Variants in SLC25A26 observed in about 807,000 individuals in gnomAD.
The protein encoded by SLC25A26 is solute carrier family 25 member 26.
In SLC25A26, 36 loss-of-function variants were observed where a neutral mutation model predicts 37.8. The ratio of observed to expected loss-of-function variants is 0.95; its 90% confidence interval spans 0.73 to 1.26. The LOEUF is 1.26. Among genes scored for constraint, SLC25A26 ranks in the 50% most tolerant of loss-of-function variants. SLC25A26 has a pLI of 0.00. For missense variants in SLC25A26, 390 were observed against 331.1 expected, an observed-to-expected ratio of 1.18 and a Z score of -1.38; for synonymous variants, 129 against 122.5, an observed-to-expected ratio of 1.05 and a Z score of -0.35.
chr3:66,186,199 C>T (rs940424469), intron 1 of SLC25A26, among the ~76,000 whole-genome samples: 1,633 of 152,128 alleles, frequency 0.011, 29 homozygotes, highest in African/African-American at 0.037. Context: ...TGTCCCTTAT[C>T]CTAAACATGA....
intron 5 of SLC25A26, among the ~76,000 whole-genome samples, chr3:66,284,052 A>ATT (rs2074429637): frequency 6.6e-6 from 1 of 152,220 alleles, no homozygotes; most frequent in Non-Finnish European, 1.5e-5. Context: ...ACACACTTAA[A>ATT]TATTTCGGGA....
chr3:66,206,412 G>C (rs1363702490), intron 1 of SLC25A26, among the ~76,000 whole-genome samples: 2 of 152,232 alleles, frequency 1.3e-5, no homozygotes, highest in East Asian at 3.9e-4. Context: ...CCCAAAGACT[G>C]CCAAGTACAT....
chr3:66,138,292 G>A (rs2069978459), intron 1 of SLC25A26, among the ~76,000 whole-genome samples: 1 of 152,010 alleles, frequency 6.6e-6, no homozygotes, highest in Admixed American at 6.6e-5. Flanking sequence ...ATGGAAATAT[G>A]CAATGAAGGA....
intron 1 of SLC25A26, among the ~76,000 whole-genome samples, chr3:66,194,750 C>T (rs2071013435): frequency 6.6e-6 from 1 of 152,174 alleles, no homozygotes. Flanking sequence ...TACAGGCATG[C>T]GCCACCACGC....
chr3:66,352,428 G>GTTTTTTTTTTTTT (rs1242977476), intron 6 of SLC25A26, among the ~76,000 whole-genome samples: 2 of 126,686 alleles, frequency 1.6e-5, no homozygotes, highest in African/African-American at 6.9e-5. Context: ...CTCGTTTTTT[G>GTTTTTTTTTTTTT]TTTTTTGTTT....
chr3:66,291,838 C>G (rs1019742697), intron 5 of SLC25A26, among the ~76,000 whole-genome samples: 1 of 152,168 alleles, frequency 6.6e-6, no homozygotes, highest in African/African-American at 2.4e-5. Flanking sequence ...GAGCTGAGTT[C>G]AAGTCCTGAA....
intron 1 of SLC25A26, among the ~76,000 whole-genome samples, chr3:66,161,946 C>T (rs36179318): frequency 0.88 from 133,784 of 152,200 alleles, 59,260 homozygotes; most frequent in African/African-American, 0.92. Flanking sequence ...CAGCTGGTCT[C>T]GGGGAATTCA....
At chr3:66,238,582 C>T (rs980625266) in intron 2 of SLC25A26, among the ~76,000 whole-genome samples, 2 of 152,026 alleles carry the variant, frequency 1.3e-5, no homozygotes, top group Non-Finnish European at 2.9e-5. Context: ...GGGGTTTCAC[C>T]ATGTTATCCC....
At chr3:66,268,719 T>C (rs1437594306) in intron 5 of SLC25A26, among the ~76,000 whole-genome samples, 1 of 152,216 alleles carries the variant, frequency 6.6e-6, no homozygotes, top group Admixed American at 6.5e-5. Context: ...AAATCTCATC[T>C]TGAATTGTAA....
intron 6 of SLC25A26, among the ~76,000 whole-genome samples, chr3:66,359,184 T>C (rs1219997049): frequency 6.6e-6 from 1 of 152,246 alleles, no homozygotes; most frequent in African/African-American, 2.4e-5. Flanking sequence ...ATTTGGATTG[T>C]GTTTTTTCGC....
intron 1 of SLC25A26, among the ~76,000 whole-genome samples, chr3:66,234,815 T>A (rs2107003800): frequency 6.6e-6 from 1 of 152,336 alleles, no homozygotes; most frequent in East Asian, 1.9e-4. Flanking sequence ...ATACTGATGA[T>A]CTTTTTTTCC....
At chr3:66,161,565 G>A (rs1430435186) in intron 1 of SLC25A26, among the ~76,000 whole-genome samples, 1 of 152,198 alleles carries the variant, frequency 6.6e-6, no homozygotes, top group East Asian at 1.9e-4. Flanking sequence ...GTCTCATGAG[G>A]TGTAGATACT....
chr3:66,362,826 A>G (rs902466580), intron 6 of SLC25A26, 34 bp from the exon 7 acceptor site: 2 of 1,470,396 alleles, frequency 1.4e-6, no homozygotes, highest in Non-Finnish European at 1.8e-6. Context: ...TCAAATATTT[A>G]ATAACTTGTA....
intron 6 of SLC25A26, among the ~76,000 whole-genome samples, chr3:66,356,701 T>C (rs1182282066): frequency 6.6e-6 from 1 of 152,194 alleles, no homozygotes; most frequent in African/African-American, 2.4e-5. Flanking sequence ...TGATCGCTGA[T>C]AACTGCAGCT....
chr3:66,314,752 C>CT lies in SLC25A26; in HGVS notation c.454-31604dup, dbSNP rs1313252537. Among the ~76,000 whole-genome samples the CT allele has an allele frequency of 8.9e-4, 126 of 142,176 alleles. No homozygotes were observed. In the East Asian group the frequency reaches 0.01, roughly 12 times the overall value. The allele number at this position is 142,176 out of a possible 152,430, so 93.3% of individuals were successfully genotyped here. A position where few individuals can be genotyped will look rare whatever the true frequency, so the allele number is the denominator to read the frequency against. On this transcript the variant is annotated intron_variant, in intron 5 of 9. Coordinates refer to ENST00000354883, the MANE Select transcript of SLC25A26 (RefSeq NM_001379210.1). The stretch of plus-strand genomic sequence containing the variant: ...AGCTGTAAAACCGTCTGGTTCTGGG[C>CT]TTTTTTTTGTTTTTTTTTTTAGTTA...
chr3:66,328,190 GA>G (rs2075885088), intron 5 of SLC25A26, among the ~76,000 whole-genome samples: 2 of 152,258 alleles, frequency 1.3e-5, no homozygotes, highest in South Asian at 4.1e-4. Flanking sequence ...GTATTGTGAT[GA>G]TGATGCATTC....
intron 2 of SLC25A26, among the ~76,000 whole-genome samples, chr3:66,238,137 A>G (rs1046668533): frequency 2.6e-5 from 4 of 152,102 alleles, no homozygotes; most frequent in Non-Finnish European, 5.9e-5. Context: ...TGGGTTCCCC[A>G]ATTTGTCCAC....
chr3:66,293,675 A>T (rs1246025838), intron 5 of SLC25A26, among the ~76,000 whole-genome samples: 2 of 152,186 alleles, frequency 1.3e-5, no homozygotes, highest in African/African-American at 4.8e-5. Flanking sequence ...TTTGCAAAGG[A>T]TAATGGCCTC....
chr3:66,279,168 T>G (rs2074254244), intron 5 of SLC25A26, among the ~76,000 whole-genome samples: 1 of 152,228 alleles, frequency 6.6e-6, no homozygotes, highest in Non-Finnish European at 1.5e-5. Context: ...AGGCATTATT[T>G]GCATTATTTT....
Sources: gnomAD v4.1 joint callset for allele counts (sites outside exome capture counted in the v4.1 genomes callset) on GRCh38, gnomAD v4.1.1 for gene constraint, MANE v1.5 for transcripts, NCBI Gene and HGNC (gene_info 2026-07-23, HGNC 2026-07-21) for gene names.